C19orf18: variants seen among roughly 807,000 people sequenced by gnomAD.
C19orf18 encodes chromosome 19 open reading frame 18.
C19orf18 carries 21 observed loss-of-function variants against 23.3 expected under a neutral mutation model. The observed-to-expected ratio is 0.90, with a 90% confidence interval of 0.64 to 1.30. The LOEUF is 1.30. Ranked by LOEUF, C19orf18 falls within the 50% of genes most tolerant of loss-of-function variation. The pLI, the probability that C19orf18 is intolerant of heterozygous loss-of-function variation, is 0.00. For missense variants in C19orf18, 249 were observed against 259.6 expected, an observed-to-expected ratio of 0.96 and a Z score of 0.28; for synonymous variants, 96 against 95.2, an observed-to-expected ratio of 1.01 and a Z score of -0.05.
At chr19:57,963,156 A>G (rs1476552016) in intron 4 of C19orf18, among the ~76,000 whole-genome samples, 1 of 151,016 alleles carries the variant, frequency 6.6e-6, no homozygotes, top group Non-Finnish European at 1.5e-5. Flanking sequence ...CCTCCCGAGT[A>G]GCTGGGATTA....
At chr19:57,964,150 A>C (rs1049250755) in intron 4 of C19orf18, among the ~76,000 whole-genome samples, 1 of 152,224 alleles carries the variant, frequency 6.6e-6, no homozygotes, top group African/African-American at 2.4e-5. Flanking sequence ...TGTGAAAACA[A>C]TAAGAATTGA....
At chr19:57,969,346 G>A (rs1180673862) in intron 3 of C19orf18, among the ~76,000 whole-genome samples, 1 of 151,330 alleles carries the variant, frequency 6.6e-6, no homozygotes, top group Non-Finnish European at 1.5e-5. Flanking sequence ...CACAAGGTCA[G>A]GAGTTCAAGA....
intron 3 of C19orf18, among the ~76,000 whole-genome samples, chr19:57,971,245 C>A (rs1462017029): frequency 2.0e-5 from 3 of 152,018 alleles, no homozygotes; most frequent in Admixed American, 6.6e-5. Context: ...AGATAGTAAA[C>A]CCTGGCCTGC....
rs2072966072 is a variant in C19orf18, at chr19:57,974,085, A to C, written c.226+14T>G. ...CGATTCTCACTCCACTGAATGAGGA[A>C]TTCAATGACTCACCCGTGGATCTCG... is the stretch of plus-strand genomic sequence containing the variant. On this transcript the variant is annotated intron_variant, in intron 2 of 5. Coordinates refer to ENST00000314391, the MANE Select transcript of C19orf18 (RefSeq NM_152474.5). 6.2e-7 allele frequency: 1 copy of C among 1,609,968 alleles called. No homozygotes were observed. The highest frequency in any genetic ancestry group is 1.3e-5 in the African/African-American group (1 of 74,824).
intron 5 of C19orf18, among the ~76,000 whole-genome samples, chr19:57,959,916 C>CCTGGCTAA (rs944150601): frequency 6.6e-6 from 1 of 151,558 alleles, no homozygotes; most frequent in African/African-American, 2.4e-5. Flanking sequence ...TCGAGACCAG[C>CCTGGCTAA]CTGGCTAACT....
chr19:57,970,330 T>C (rs1294505362), intron 3 of C19orf18, among the ~76,000 whole-genome samples: 1 of 152,314 alleles, frequency 6.6e-6, no homozygotes, highest in South Asian at 2.1e-4. Flanking sequence ...CTGTAACTTA[T>C]GCACTCGTCT....
intron 4 of C19orf18, among the ~76,000 whole-genome samples, chr19:57,965,131 T>G (rs1486320551): frequency 6.6e-6 from 1 of 150,718 alleles, no homozygotes; most frequent in Admixed American, 6.6e-5. Context: ...ATTTATTTAT[T>G]TATTTATTTA....
Position 57,974,071 on chromosome 19 carries a change from C to T in C19orf18, c.226+28G>A, listed in dbSNP as rs257676. The T allele has an allele frequency of 0.65, 1,045,275 of 1,601,028 alleles. 346,120 individuals are homozygous for T. Among genetic ancestry groups the T allele is most frequent in the African/African-American group, 0.93 (69,615 of 74,704 alleles). ...AGGACTCCAGGCTACGATTCTCACT[C>T]CACTGAATGAGGAATTCAATGACTC... On this transcript the variant is annotated intron_variant, in intron 2 of 5. Coordinates refer to ENST00000314391, the MANE Select transcript of C19orf18 (RefSeq NM_152474.5).
Position 57,960,660 on chromosome 19 carries a change from C to T in C19orf18, c.532+731G>A, listed in dbSNP as rs528141317. Among the ~76,000 whole-genome samples, 7 of 152,058 alleles carry T rather than the reference C, an allele frequency of 4.6e-5. No individual in the cohort carries two copies. In the South Asian group the frequency reaches 1.2e-3, roughly 27 times the overall value. On this transcript the variant is annotated intron_variant, in intron 5 of 5. Coordinates refer to ENST00000314391, the MANE Select transcript of C19orf18 (RefSeq NM_152474.5). ...GTGTTCTGAATGCAGGATAACATCA[C>T]GGTAATGAGTATGTTTAACGGAAAC...
At chr19:57,965,139 T>G (rs1600205829) in intron 4 of C19orf18, among the ~76,000 whole-genome samples, 1 of 151,216 alleles carries the variant, frequency 6.6e-6, no homozygotes, top group South Asian at 2.1e-4. Context: ...ATTTATTTAT[T>G]TATTTATTAT....
intron 4 of C19orf18, among the ~76,000 whole-genome samples, chr19:57,965,647 C>T (rs530850565): frequency 1.3e-5 from 2 of 152,232 alleles, no homozygotes; most frequent in African/African-American, 4.8e-5. Context: ...ACTTGGGAGG[C>T]TGAGGCAGGA....
intron 3 of C19orf18, 113 bp downstream of exon 3, chr19:57,972,350 G>A: frequency 7.9e-7 from 1 of 1,270,174 alleles, no homozygotes; most frequent in Non-Finnish European, 1.1e-6. Context: ...CACACATGAA[G>A]GCACCACGTG....
At chr19:57,968,302 T>C (rs1282369788) in intron 3 of C19orf18, among the ~76,000 whole-genome samples, 1 of 152,176 alleles carries the variant, frequency 6.6e-6, no homozygotes, top group Non-Finnish European at 1.5e-5. Flanking sequence ...CCTTTGGGGT[T>C]AGGATTTCAA....
At chr19:57,970,102 T>C (rs1013804591) in intron 3 of C19orf18, among the ~76,000 whole-genome samples, 4 of 152,206 alleles carry the variant, frequency 2.6e-5, no homozygotes, top group Non-Finnish European at 5.9e-5. Context: ...CTTAAACTAA[T>C]TTAAACTTAA....
chr19:57,972,004 G>A (rs546686810), intron 3 of C19orf18, among the ~76,000 whole-genome samples: 136 of 152,270 alleles, frequency 8.9e-4, no homozygotes, highest in African/African-American at 3.1e-3. Context: ...CTCAGAAGCC[G>A]CCCTGTTGCA....
At chr19:57,959,912 C>T (rs2072854069) in intron 5 of C19orf18, among the ~76,000 whole-genome samples, 1 of 151,234 alleles carries the variant, frequency 6.6e-6, no homozygotes, top group Non-Finnish European at 1.5e-5. Context: ...GAGTTCGAGA[C>T]CAGCCTGGCT....
Position 57,958,545 on chromosome 19 carries a change from C to T in C19orf18, c.*57G>A, listed in dbSNP as rs933887409. The T allele has an allele frequency of 8.3e-7, 1 of 1,204,402 alleles. No individual in the cohort carries two copies. The highest frequency in any genetic ancestry group is 1.2e-6 in the Non-Finnish European group (1 of 847,722). The allele number at this position is 1,204,402 out of a possible 1,614,324, so 74.6% of individuals were successfully genotyped here. On this transcript the variant is annotated 3_prime_UTR_variant, in exon 6 of 6. Coordinates refer to ENST00000314391, the MANE Select transcript of C19orf18 (RefSeq NM_152474.5). ...AGCAAGCCACGCCCACAGGCTCAGT[C>T]TCCCAGCACCCCCATAGTTTCTCCT...
At chr19:57,959,239 A>G (rs1915083185) in intron 5 of C19orf18, among the ~76,000 whole-genome samples, 1 of 152,214 alleles carries the variant, frequency 6.6e-6, no homozygotes, top group East Asian at 1.9e-4. Context: ...CTATAATCCC[A>G]GCACTTTGGG....
Position 57,974,376 on chromosome 19 carries a change from T to A in C19orf18, c.57A>T (p.Gln19His). ...CTGCATACGGCAAGCATAAATGAAG[T>A]TGGCATTCCATTAAAAACAAAAACA... ...LILFLFLMEC[Q>H]LHLCLPYADG... Residue 19 changes from glutamine to histidine, a missense_variant, in exon 1 of 6, where the codon CAA becomes CAT. Physicochemically the swap from Gln to His is conservative, Grantham distance 24 (BLOSUM62 0). Transcript: ENST00000314391. 1 of 1,614,094 alleles carries A rather than the reference T, an allele frequency of 6.2e-7. No individual in the cohort carries two copies. Among genetic ancestry groups the A allele is most frequent in the Non-Finnish European group, 8.5e-7 (1 of 1,180,014 alleles).
Sources: allele counts gnomAD v4.1 joint callset (sites outside exome capture counted in the v4.1 genomes callset), GRCh38; gene constraint gnomAD v4.1.1; transcripts MANE v1.5; gene names NCBI Gene and HGNC (gene_info 2026-07-23, HGNC 2026-07-21).